The following MAMDC2 variants were observed in gnomAD, a reference collection of about 807,000 sequenced individuals.
MAMDC2 encodes the protein MAM domain-containing protein 2.
MAMDC2 carries 57 observed loss-of-function variants against 89.8 expected under a neutral mutation model. That is an observed-to-expected ratio of 0.63 (90% CI 0.51 to 0.79). The LOEUF is 0.79. MAMDC2 is among the 30% of genes least tolerant of loss of function. The pLI is 0.00. For synonymous variants in MAMDC2, 313 were observed against 293.4 expected (o/e 1.07, Z -0.68); for missense variants, 800 against 820.6 (o/e 0.97, Z 0.31).
intron 2 of MAMDC2, among the ~76,000 whole-genome samples, chr9:70,089,671 A>G (rs1827845747): frequency 6.6e-6 from 1 of 152,186 alleles, no homozygotes; most frequent in Non-Finnish European, 1.5e-5. Context: ...AATACACCAA[A>G]TACAAACTCC....
rs151202507 is a variant in MAMDC2 at position 70,108,408 on chromosome 9, T to C, written c.346T>C (p.Trp116Arg). Reference protein sequence around the residue: ...FEDESFDRLLWSAKEPSDSWL... With the variant: ...FEDESFDRLLRSAKEPSDSWL... ...AGATGAAAGCTTTGATCGCTTGCTT[T>C]GGTCAGCTAAGGAACCTTCAGACAG... is the stretch of plus-strand genomic sequence containing the variant. The change falls in exon 3 of 14, where the codon TGG (tryptophan) becomes CGG (arginine). Residue 116 changes from tryptophan to arginine, a missense_variant. Transcript: ENST00000377182. 1,936 of 1,614,096 alleles carry C rather than the reference T, an allele frequency of 1.2e-3. 1 individual carries two copies. The highest frequency in any genetic ancestry group is 1.6e-3 in the Non-Finnish European group (1,837 of 1,179,970).
At chr9:70,142,763 C>G (rs994201999) in intron 8 of MAMDC2, among the ~76,000 whole-genome samples, 9 of 152,008 alleles carry the variant, frequency 5.9e-5, no homozygotes, top group Non-Finnish European at 8.8e-5. Flanking sequence ...CTGGGTAAAA[C>G]TAAACTGTAT....
In MAMDC2 at chr9:70,208,759, T is replaced by C. The variant is rs955078017; in HGVS notation, c.1652-9578T>C. Among the ~76,000 whole-genome samples, 163 of 151,376 alleles carry C rather than the reference T, an allele frequency of 1.1e-3. 1 individual carries two copies. Among genetic ancestry groups the C allele is most frequent in the Non-Finnish European group, 1.8e-3 (119 of 67,856 alleles). On this transcript the variant is annotated intron_variant, in intron 11 of 13. Transcript: ENST00000377182. ...AGTTTTTGTCCATTCAGTATGATAT[T>C]GGCTGTGGGTTTGTCATAGATAGCT...
At chr9:70,138,381 T>A (rs537257083) in intron 7 of MAMDC2, among the ~76,000 whole-genome samples, 2 of 152,354 alleles carry the variant, frequency 1.3e-5, no homozygotes, top group African/African-American at 4.8e-5. Context: ...AAGTGCATCA[T>A]CTTTTTGATA....
At chr9:70,060,804 G>C (rs1344329972) in intron 2 of MAMDC2, among the ~76,000 whole-genome samples, 1 of 152,124 alleles carries the variant, frequency 6.6e-6, no homozygotes, top group Admixed American at 6.5e-5. Flanking sequence ...TGAATTGGTT[G>C]AATGAATTGT....
intron 9 of MAMDC2, among the ~76,000 whole-genome samples, chr9:70,144,961 A>G (rs1251983458): frequency 2.6e-5 from 4 of 152,192 alleles, no homozygotes; most frequent in Non-Finnish European, 4.4e-5. Flanking sequence ...AAACTTTACC[A>G]TGGTTAATCA....
At chr9:70,088,958 T>C (rs1455025998) in intron 2 of MAMDC2, 7 of 152,154 alleles carry the variant, frequency 4.6e-5, no homozygotes, top group African/African-American at 1.4e-4. Context: ...ACACCAGGAA[T>C]TGTGCTGGGC....
At chr9:70,083,638 C>T (rs1424640572) in intron 2 of MAMDC2, 1 of 151,984 alleles carries the variant, frequency 6.6e-6, no homozygotes, top group East Asian at 1.9e-4. Context: ...CACTGCATTC[C>T]ATTCCCTTGG....
chr9:70,065,629 G>A (rs752381382), intron 2 of MAMDC2, among the ~76,000 whole-genome samples: 1 of 149,826 alleles, frequency 6.7e-6, no homozygotes, highest in Non-Finnish European at 1.5e-5. Context: ...TTAGAATAAG[G>A]CAGAAAAACC....
intron 7 of MAMDC2, among the ~76,000 whole-genome samples, chr9:70,136,992 G>A (rs927678881): frequency 6.6e-6 from 1 of 152,104 alleles, no homozygotes; most frequent in African/African-American, 2.4e-5. Context: ...TTAGAGCATT[G>A]AGAATTCTCT....
intron 4 of MAMDC2, among the ~76,000 whole-genome samples, chr9:70,110,673 C>A (rs1225026917): frequency 6.6e-6 from 1 of 152,132 alleles, no homozygotes; most frequent in Admixed American, 6.5e-5. Flanking sequence ...CCTGCTGAAT[C>A]ATGTGGGTCA....
intron 5 of MAMDC2, 125 bp from the exon 6 acceptor site, chr9:70,126,034 A>C: frequency 9.5e-7 from 1 of 1,054,594 alleles, no homozygotes; most frequent in East Asian, 2.5e-5. Flanking sequence ...GCTGTAACTC[A>C]TCCACTTCCT....
intron 12 of MAMDC2, among the ~76,000 whole-genome samples, chr9:70,221,719 T>G (rs920604116): frequency 3.3e-5 from 5 of 150,198 alleles, no homozygotes; most frequent in African/African-American, 9.8e-5. Context: ...ATCCCACATT[T>G]TGTGTGTGTG....
At chr9:70,111,342 G>A (rs1271363348) in intron 4 of MAMDC2, among the ~76,000 whole-genome samples, 1 of 152,204 alleles carries the variant, frequency 6.6e-6, no homozygotes, top group East Asian at 1.9e-4. Context: ...TTCAAATGAT[G>A]TGGTGACTTC....
intron 5 of MAMDC2, among the ~76,000 whole-genome samples, chr9:70,115,885 C>T (rs1341196935): frequency 6.6e-6 from 1 of 152,118 alleles, no homozygotes; most frequent in East Asian, 1.9e-4. Flanking sequence ...ATGAGTAAAG[C>T]AACTAACAAT....
intron 2 of MAMDC2, among the ~76,000 whole-genome samples, chr9:70,096,979 A>T (rs1189859515): frequency 4.6e-5 from 7 of 152,182 alleles, no homozygotes; most frequent in African/African-American, 7.2e-5. Flanking sequence ...CCCAAAAGCC[A>T]AACACCCCAG....
At chr9:70,202,349 T>C (rs1408600611) in intron 11 of MAMDC2, among the ~76,000 whole-genome samples, 2 of 152,204 alleles carry the variant, frequency 1.3e-5, no homozygotes, top group African/African-American at 2.4e-5. Flanking sequence ...TCAGTTTCCA[T>C]GTAGTTGAGC....
intron 8 of MAMDC2, among the ~76,000 whole-genome samples, chr9:70,141,984 G>C (rs1205976802): frequency 6.6e-6 from 1 of 152,110 alleles, no homozygotes; most frequent in Non-Finnish European, 1.5e-5. Context: ...TAATAGAAAA[G>C]GGGAGGTCAA....
intron 2 of MAMDC2, among the ~76,000 whole-genome samples, chr9:70,059,879 G>T (rs1021652451): frequency 1.3e-5 from 2 of 152,158 alleles, no homozygotes; most frequent in African/African-American, 2.4e-5. Flanking sequence ...TTGATTCACT[G>T]ATGAATTAAA....
Sources: allele counts gnomAD v4.1 joint callset (sites outside exome capture counted in the v4.1 genomes callset), GRCh38; gene constraint gnomAD v4.1.1; transcripts MANE v1.5; gene names NCBI Gene and HGNC (gene_info 2026-07-23, HGNC 2026-07-21).